Variants in PRKCB observed in about 807,000 individuals in gnomAD.
PRKCB encodes protein kinase C beta, also known as protein kinase C beta type.
Under a neutral mutation model 81.5 loss-of-function variants are expected in PRKCB, and 13 were observed. The observed-to-expected ratio is 0.16, with a 90% CI of 0.10 to 0.25. The LOEUF (loss-of-function observed/expected upper bound fraction) is 0.25, where lower values mean the gene tolerates loss of function less well. Ranked by LOEUF, PRKCB falls within the 10% of genes least tolerant of loss-of-function variation. The pLI, the probability that PRKCB is intolerant of heterozygous loss-of-function variation, is 1.00. For missense variants in PRKCB, 509 were observed against 875.7 expected (o/e 0.58, Z 5.29); for synonymous variants, 335 against 321.4 (o/e 1.04, Z -0.45).
chr16:24,212,347 C>T (rs1472927865), intron 16 of PRKCB, among the ~76,000 whole-genome samples: 3 of 143,444 alleles, frequency 2.1e-5, no homozygotes, highest in Non-Finnish European at 4.5e-5. Flanking sequence ...ATTGAAAGTG[C>T]TCACTGGTTT....
intron 2 of PRKCB, among the ~76,000 whole-genome samples, chr16:23,973,260 C>A (rs572969492): frequency 1.3e-5 from 2 of 152,176 alleles, no homozygotes; most frequent in South Asian, 4.1e-4. Flanking sequence ...TGGCTCACTG[C>A]AACCTTCACC....
At chr16:24,183,744 G>A (rs148756232) in intron 13 of PRKCB, among the ~76,000 whole-genome samples, 2 of 152,290 alleles carry the variant, frequency 1.3e-5, no homozygotes, top group African/African-American at 2.4e-5. Context: ...ACAGCCAACC[G>A]GTAGACAGCA....
At position 24,113,140 on chromosome 16, in the gene PRKCB, CCT is replaced by C. The variant is rs576719959; in HGVS notation, c.918+74_918+75del. On this transcript the variant is annotated intron_variant, in intron 8 of 16. Transcript: ENST00000643927. Reference sequence around the variant, plus strand: ...TTTTCCTTCTTTCCTCCTGCTCCCTCCTCTTTCTTTCTCTTTCTCTCTTATTC... The same window carrying C: ...TTTTCCTTCTTTCCTCCTGCTCCCTCCTTTCTTTCTCTTTCTCTCTTATTC... 9.8e-4 allele frequency: 1,131 copies of C among 1,155,324 alleles called. 2 individuals carry two copies. Among genetic ancestry groups the C allele is most frequent in the South Asian group, 1.2e-3 (82 of 69,112 alleles). 71.6% of individuals were successfully genotyped at this position (1,155,324 alleles called of 1,614,324 possible). A position where few individuals can be genotyped will look rare whatever the true frequency, so the allele number is the denominator to read the frequency against.
intron 2 of PRKCB, among the ~76,000 whole-genome samples, chr16:23,883,050 G>C (rs1049399897): frequency 6.6e-6 from 1 of 152,090 alleles, no homozygotes; most frequent in African/African-American, 2.4e-5. Context: ...GACCAGCTTT[G>C]TTCCAGTCAC....
At chr16:24,020,976 TTTTCTTTCTTTCTTTCTTTCTTTCTTTC>T (rs59486748) in intron 3 of PRKCB, among the ~76,000 whole-genome samples, 11 of 96,736 alleles carry the variant, frequency 1.1e-4, no homozygotes, top group African/African-American at 2.0e-4. Flanking sequence ...AGACTTTTCT[TTTTCTTTCTTTCTTTCTTTCTTTCTTTC>T]TTTCTTTCTT....
chr16:23,948,288 AT>A (rs1964230796), intron 2 of PRKCB, among the ~76,000 whole-genome samples: 1 of 152,126 alleles, frequency 6.6e-6, no homozygotes, highest in Admixed American at 6.5e-5. Context: ...TCCTAATTGG[AT>A]TCTCAGGGCC....
chr16:23,870,384 T>C (rs1962884305), intron 2 of PRKCB, among the ~76,000 whole-genome samples: 1 of 152,222 alleles, frequency 6.6e-6, no homozygotes, highest in South Asian at 2.1e-4. Context: ...TAGCATGTGG[T>C]ATGTGCCAGG....
In PRKCB at chr16:24,218,114, C is replaced by G. The variant is rs2141997910; in HGVS notation, c.*3298C>G. 1.0e-6 allele frequency: 1 copy of G among 985,194 alleles called. No individual in the cohort carries two copies. The highest frequency in any genetic ancestry group is 1.2e-6 in the Non-Finnish European group (1 of 829,882). 61.0% of individuals were successfully genotyped at this position (985,194 alleles called of 1,614,324 possible). The stretch of plus-strand genomic sequence containing the variant: ...CACTAGTGAAGAAGCAGATGAGGAC[C>G]CTGTTTATTGTTTCTCTCCAAGAAA... On this transcript the variant is annotated 3_prime_UTR_variant, in exon 17 of 17. Transcript: ENST00000643927.
intron 3 of PRKCB, among the ~76,000 whole-genome samples, chr16:23,997,577 T>C (rs1964977003): frequency 6.6e-6 from 1 of 152,238 alleles, no homozygotes; most frequent in Admixed American, 6.5e-5. Flanking sequence ...TTGTTATGGA[T>C]ATGTTTGTGT....
rs149657448 is a variant in PRKCB at position 24,057,499 on chromosome 16, A to G, written c.529+21952A>G. On this transcript the variant is annotated intron_variant, in intron 5 of 16. Transcript: ENST00000643927. ...TCACTTATTCTTTAATCTCTTCTGT[A>G]TGGGAGGTCATTTGCTAGATACTGG... Among the ~76,000 whole-genome samples the G allele has an allele frequency of 5.6e-3, 858 of 152,280 alleles. 5 individuals are homozygous for G. The highest frequency in any genetic ancestry group is 8.2e-3 in the Non-Finnish European group (558 of 68,028).
intron 13 of PRKCB, among the ~76,000 whole-genome samples, chr16:24,181,431 T>A (rs1967619805): frequency 6.6e-6 from 1 of 152,002 alleles, no homozygotes; most frequent in South Asian, 2.1e-4. Context: ...TGTGAAAAGA[T>A]CTTCAAGACA....
In PRKCB at chr16:24,139,006, T is replaced by G. The variant is rs562391534; in HGVS notation, c.1065+15025T>G. On this transcript the variant is annotated intron_variant, in intron 9 of 16. Transcript: ENST00000643927. ...AGCTGAGATTACAGGCATGCACCAC[T>G]ATGCCCGGCTAAATTTTATATTTTT... 4.5e-4 allele frequency among the ~76,000 whole-genome samples: 69 copies of G among 151,984 alleles called. No individual in the cohort carries two copies. The South Asian group carries it at 0.014, about 30-fold the overall frequency.
chr16:24,143,480 A>C (rs537991307), intron 9 of PRKCB, among the ~76,000 whole-genome samples: 1 of 152,202 alleles, frequency 6.6e-6, no homozygotes, highest in Non-Finnish European at 1.5e-5. Flanking sequence ...GCAACAGATG[A>C]GTACCCTGAT....
intron 2 of PRKCB, among the ~76,000 whole-genome samples, chr16:23,947,272 G>A (rs974817039): frequency 4.6e-5 from 7 of 152,142 alleles, no homozygotes; most frequent in African/African-American, 9.7e-5. Context: ...TGCTCTTCTC[G>A]AGACAGCATC....
chr16:23,940,240 A>T (rs1964122632), intron 2 of PRKCB, among the ~76,000 whole-genome samples: 2 of 152,148 alleles, frequency 1.3e-5, no homozygotes, highest in African/African-American at 4.8e-5. Flanking sequence ...TCACCCACAC[A>T]TGGTTGCTGA....
At position 23,983,290 on chromosome 16, in the gene PRKCB, A is replaced by G. The variant is rs898897945; in HGVS notation, c.206-5218A>G. Among the ~76,000 whole-genome samples the G allele has an allele frequency of 2.0e-5, 3 of 152,214 alleles. No homozygotes were observed. The South Asian group carries it at 6.2e-4, about 32-fold the overall frequency. On this transcript the variant is annotated intron_variant, in intron 2 of 16. Transcript: ENST00000643927. ...TTGATTTGCACAACTTTTCAGAAAC[A>G]CACTGTGTAAAGGAATTACCTGCAC...
Position 24,215,030 on chromosome 16 carries a change from A to C in PRKCB, c.*214A>C, listed in dbSNP as rs4787872. 3.7e-6 allele frequency: 5 copies of C among 1,347,498 alleles called. No individual in the cohort carries two copies. The highest frequency in any genetic ancestry group is 4.8e-6 in the Non-Finnish European group (5 of 1,049,070). The allele number at this position is 1,347,498 out of a possible 1,614,324, so 83.5% of individuals were successfully genotyped here. ...GATGGCCTATGGAAAATGCAGCTGC[A>C]TAATTAACACATTATCAAAGTCCTC... On this transcript the variant is annotated 3_prime_UTR_variant, in exon 17 of 17. Transcript: ENST00000643927.
At chr16:24,106,551 G>A (rs917989941) in intron 7 of PRKCB, among the ~76,000 whole-genome samples, 8 of 152,076 alleles carry the variant, frequency 5.3e-5, no homozygotes, top group Non-Finnish European at 1.2e-4. Flanking sequence ...CAAAACTTTT[G>A]TGCCCAGCTT....
intron 2 of PRKCB, among the ~76,000 whole-genome samples, chr16:23,981,851 TCCCCTTCCCCTC>T (rs1964721155): frequency 2.5e-4 from 2 of 8,032 alleles, no homozygotes; most frequent in Non-Finnish European, 2.4e-4. Flanking sequence ...CCCTTCCCCT[TCCCCTTCCCCTC>T]CCCTTCCCCT....
Sources: gnomAD v4.1 joint callset for allele counts (sites outside exome capture counted in the v4.1 genomes callset) on GRCh38, gnomAD v4.1.1 for gene constraint, MANE v1.5 for transcripts, NCBI Gene and HGNC (gene_info 2026-07-23, HGNC 2026-07-21) for gene names.